RANBP2: variants seen among roughly 807,000 people sequenced by gnomAD.
RANBP2 encodes E3 SUMO-protein ligase RanBP2.
In RANBP2, 57 loss-of-function variants were observed where a neutral mutation model predicts 303.6. The ratio of observed to expected loss-of-function variants is 0.19; its 90% CI spans 0.15 to 0.23. The LOEUF is 0.23. RANBP2 is among the 10% of genes least tolerant of loss of function. The probability of loss-of-function intolerance (pLI) is 1.00; values close to 1 mark genes in which losing one functional copy is unlikely to be tolerated. For synonymous variants in RANBP2, 1,167 were observed against 1,301.5 expected (o/e 0.90, Z 2.23); for missense variants, 3,138 against 3,780.8 (o/e 0.83, Z 4.46).
chr2:109,478,680 G>T, the RANBP2 span, among the ~76,000 whole-genome samples: 2 of 152,146 alleles, frequency 1.3e-5, no homozygotes, highest in Admixed American at 6.5e-5. Flanking sequence ...CAAAAATACG[G>T]TGTGGTGGGG....
chr2:109,430,080 T>C, the RANBP2 span, among the ~76,000 whole-genome samples: 1 of 152,160 alleles, frequency 6.6e-6, no homozygotes, highest in Admixed American at 6.5e-5. Flanking sequence ...CTAGGGCGTG[T>C]TCTGAGCCTG....
chr2:108,791,937 A>G, the RANBP2 span: 8 of 886,676 alleles, frequency 9.0e-6, no homozygotes, highest in Non-Finnish European at 1.1e-5. Flanking sequence ...GTAAGCTAGG[A>G]GATAGTTACT....
intron 24 of RANBP2, among the ~76,000 whole-genome samples, chr2:108,776,590 A>C (rs534192424): frequency 6.6e-6 from 1 of 152,304 alleles, no homozygotes; most frequent in East Asian, 1.9e-4. Context: ...AGACGACTTC[A>C]TACCTAAAAC....
At chr2:109,347,748 C>A in the RANBP2 span, 1 of 1,613,966 alleles carries the variant, frequency 6.2e-7, no homozygotes. Flanking sequence ...TCAAGTTCAA[C>A]AAGGGGGACA....
At chr2:108,908,035 C>T in the RANBP2 span, 30 of 1,603,072 alleles carry the variant, frequency 1.9e-5, no homozygotes, top group South Asian at 4.4e-5. Context: ...AAAACAAGAG[C>T]GATGGTCATT....
the RANBP2 span, chr2:109,667,130 T>G: frequency 1.6e-6 from 2 of 1,242,388 alleles, no homozygotes; most frequent in Non-Finnish European, 2.3e-6. Flanking sequence ...ATTTTACTTT[T>G]CAGCCAATCC....
At position 108,736,998 on chromosome 2, in the gene RANBP2, C is replaced by T. The variant is rs1312299071; in HGVS notation, c.782+749C>T. Among the ~76,000 whole-genome samples, 7 of 139,296 alleles carry T rather than the reference C, an allele frequency of 5.0e-5. 1 individual carries two copies. The highest frequency in any genetic ancestry group is 1.1e-4 in the Non-Finnish European group (7 of 63,914). 91.4% of individuals were successfully genotyped at this position (139,296 alleles called of 152,430 possible). On this transcript the variant is annotated intron_variant, in intron 6 of 28. Coordinates refer to ENST00000283195, the MANE Select transcript of RANBP2 (RefSeq NM_006267.5). ...GCCTGTAAAGCCAGATTAGTATTCT[C>T]CTCCTTTTTGTAGAAAAAGTTTACT...
At chr2:109,579,417 CTT>C in the RANBP2 span, among the ~76,000 whole-genome samples, 25 of 145,810 alleles carry the variant, frequency 1.7e-4, no homozygotes, top group Non-Finnish European at 2.7e-4. Context: ...GAGTTTCGCT[CTT>C]GTTGACCAGG....
the RANBP2 span, among the ~76,000 whole-genome samples, chr2:109,474,697 G>A: frequency 6.6e-6 from 1 of 152,230 alleles, no homozygotes; most frequent in Admixed American, 6.5e-5. Context: ...TTTCTCCAAA[G>A]CATCGCAGAT....
chr2:109,686,850 C>A, the RANBP2 span, among the ~76,000 whole-genome samples: 28 of 152,070 alleles, frequency 1.8e-4, no homozygotes, highest in Non-Finnish European at 2.9e-4. Flanking sequence ...TGAGCACAAG[C>A]GATCTGCCTC....
chr2:109,057,200 C>CTTAAA, the RANBP2 span, among the ~76,000 whole-genome samples: 1,777 of 152,298 alleles, frequency 0.012, 35 homozygotes, highest in African/African-American at 0.04. Context: ...AATTAGTCCT[C>CTTAAA]TTAATCTTCA....
At chr2:108,887,730 C>T in the RANBP2 span, among the ~76,000 whole-genome samples, 2 of 152,040 alleles carry the variant, frequency 1.3e-5, no homozygotes, top group African/African-American at 4.8e-5. Context: ...GTTTTGTATC[C>T]TGCAACTTTA....
At chr2:108,971,885 A>G in the RANBP2 span, among the ~76,000 whole-genome samples, 2 of 152,220 alleles carry the variant, frequency 1.3e-5, no homozygotes, top group Non-Finnish European at 2.9e-5. Context: ...TACAGAGACC[A>G]GGTCACCAAA....
the RANBP2 span, among the ~76,000 whole-genome samples, chr2:109,663,692 A>G: frequency 3.0e-4 from 46 of 152,378 alleles, no homozygotes; most frequent in Middle Eastern, 3.4e-3. Flanking sequence ...CAGAAGAACC[A>G]TATAAACAGA....
the RANBP2 span, among the ~76,000 whole-genome samples, chr2:109,357,069 T>A: frequency 6.6e-5 from 10 of 151,330 alleles, no homozygotes; most frequent in Admixed American, 4.6e-4. Context: ...AATTTTTTTT[T>A]ATTATGTTAT....
At chr2:109,616,454 A>G in the RANBP2 span, 1 of 170,466 alleles carries the variant, frequency 5.9e-6, no homozygotes, top group East Asian at 1.9e-4. Flanking sequence ...ATAAGGGGTT[A>G]CTCTTTCAAG....
At chr2:109,703,403 A>T in the RANBP2 span, among the ~76,000 whole-genome samples, 1 of 152,212 alleles carries the variant, frequency 6.6e-6, no homozygotes. Flanking sequence ...TGCATAAATT[A>T]AAAAACCACG....
At chr2:109,706,302 TAAAG>T in the RANBP2 span, among the ~76,000 whole-genome samples, 1 of 152,176 alleles carries the variant, frequency 6.6e-6, no homozygotes, top group Non-Finnish European at 1.5e-5. Flanking sequence ...GGGAAAGAAG[TAAAG>T]AAAGGCCACG....
the RANBP2 span, among the ~76,000 whole-genome samples, chr2:109,305,706 C>T: frequency 9.9e-5 from 15 of 152,224 alleles, no homozygotes; most frequent in Non-Finnish European, 1.6e-4. Context: ...CCTTCATGTG[C>T]GGTGTGTGGC....
Sources: allele counts gnomAD v4.1 joint callset (sites outside exome capture counted in the v4.1 genomes callset), GRCh38; gene constraint gnomAD v4.1.1; transcripts MANE v1.5; gene names NCBI Gene and HGNC (gene_info 2026-07-23, HGNC 2026-07-21).